Variants in KCNK3 observed in about 807,000 individuals in gnomAD.
KCNK3 encodes potassium two pore domain channel subfamily K member 3.
KCNK3 carries 9 observed loss-of-function variants against 27.3 expected under a neutral mutation model. The observed-to-expected ratio is 0.33, with a 90% confidence interval of 0.20 to 0.57. The LOEUF (loss-of-function observed/expected upper bound fraction) is 0.57. Ranked by LOEUF, KCNK3 falls within the 20% of genes least tolerant of loss-of-function variation. The pLI, the probability that KCNK3 is intolerant of heterozygous loss-of-function variation, is 0.87. For synonymous variants in KCNK3, 278 were observed against 273.8 expected (o/e 1.02, Z -0.15); for missense variants, 391 against 577.7 (o/e 0.68, Z 3.31).
chr2:26,698,071 C>T (rs1159898795), intron 1 of KCNK3, among the ~76,000 whole-genome samples: 1 of 152,198 alleles, frequency 6.6e-6, no homozygotes, highest in African/African-American at 2.4e-5. Context: ...CCAGGCCTTC[C>T]AGTGCCTGCA....
chr2:26,696,121 C>G (rs549951236), intron 1 of KCNK3, among the ~76,000 whole-genome samples: 1 of 152,346 alleles, frequency 6.6e-6, no homozygotes, highest in South Asian at 2.1e-4. Flanking sequence ...TTCTGAGATA[C>G]CGGGTGTCCC....
chr2:26,728,180 G>A lies in KCNK3; in HGVS notation c.797G>A (p.Arg266His), dbSNP rs776666313. ...RDAEHRALLT[R>H]NGQAGGGGGG... ...GCCGAGCACCGCGCGCTGCTCACGC[G>A]CAACGGGCAGGCGGGCGGCGGCGGA... is the stretch of plus-strand genomic sequence containing the variant. The change falls in exon 2 of 2, where the codon CGC (arginine) becomes CAC (histidine). Residue 266 changes from arginine (R) to histidine (H), a missense_variant. This residue lies in a region of KCNK3 where 192 missense variants were observed against 196.0 expected (regional missense o/e 0.98). Transcript: ENST00000302909. The A allele has an allele frequency of 1.3e-6, 2 of 1,571,044 alleles. No homozygotes were observed. The highest frequency in any genetic ancestry group is 1.7e-6 in the Non-Finnish European group (2 of 1,158,226).
chr2:26,699,250 A>AAGC (rs1558594833), intron 1 of KCNK3, among the ~76,000 whole-genome samples: 2,216 of 142,856 alleles, frequency 0.016, 36 homozygotes, highest in African/African-American at 0.053. Flanking sequence ...AGAAAGAAAG[A>AAGC]AAGCCAGCCA....
intron 1 of KCNK3, among the ~76,000 whole-genome samples, chr2:26,699,211 A>C (rs1448110278): frequency 3.9e-5 from 4 of 102,712 alleles, no homozygotes; most frequent in African/African-American, 1.6e-4. Flanking sequence ...AAGAGAGAGA[A>C]AGAAAGAAAG....
At chr2:26,710,224 G>A (rs1663082320) in intron 1 of KCNK3, among the ~76,000 whole-genome samples, 1 of 152,208 alleles carries the variant, frequency 6.6e-6, no homozygotes, top group Non-Finnish European at 1.5e-5. Flanking sequence ...ACTGCTCTTT[G>A]GGAAAGAGCT....
chr2:26,708,636 G>A (rs567439268), intron 1 of KCNK3, among the ~76,000 whole-genome samples: 5 of 152,296 alleles, frequency 3.3e-5, no homozygotes, highest in East Asian at 1.9e-4. Context: ...CCGAGATCGC[G>A]CTATTGTACT....
rs182972567 is a variant in KCNK3 at position 26,713,635 on chromosome 2, T to A, written c.284-14032T>A. On this transcript the variant is annotated intron_variant, in intron 1 of 1. Coordinates refer to ENST00000302909, the MANE Select transcript of KCNK3 (RefSeq NM_002246.3). ...TCTCTACTAAAAAATACAAAAAATTTGCTGGGTGTGTAATCCCAACTACTT... is the reference window on the plus strand; with the variant it reads ...TCTCTACTAAAAAATACAAAAAATTAGCTGGGTGTGTAATCCCAACTACTT... 4.6e-3 allele frequency among the ~76,000 whole-genome samples: 694 copies of A among 150,762 alleles called. 5 individuals carry two copies. The highest frequency in any genetic ancestry group is 0.016 in the African/African-American group (664 of 40,984).
At chr2:26,716,268 AT>A (rs1663230276) in intron 1 of KCNK3, among the ~76,000 whole-genome samples, 1 of 152,228 alleles carries the variant, frequency 6.6e-6, no homozygotes, top group African/African-American at 2.4e-5. Flanking sequence ...AATAGGAATA[AT>A]AGCACCTCCT....
At position 26,728,337 on chromosome 2, in the gene KCNK3, C is replaced by T. The variant is rs756119916; in HGVS notation, c.954C>T (p.Arg318=). The T allele has an allele frequency of 3.1e-6, 5 of 1,604,338 alleles. No individual in the cohort carries two copies. The Admixed American group carries it at 5.1e-5, about 16-fold the overall frequency. ...SMCSCLWYKS[R]EKLQYSIPMI... The stretch of plus-strand genomic sequence containing the variant: ...GCTCGTGCCTGTGGTACAAGAGCCG[C>T]GAGAAGCTGCAGTACTCCATCCCCA... The change falls in exon 2 of 2, where the codon CGC becomes CGT. Residue 318 remains arginine (R), a synonymous_variant. Transcript: ENST00000302909.
intron 1 of KCNK3, among the ~76,000 whole-genome samples, chr2:26,714,077 GA>G (rs753616991): frequency 0.013 from 1,724 of 136,842 alleles, 34 homozygotes; most frequent in African/African-American, 0.042. Flanking sequence ...CCTCTGTCTT[GA>G]AAAAAAAAAA....
chr2:26,717,673 G>A (rs1219287652), intron 1 of KCNK3, among the ~76,000 whole-genome samples: 1 of 152,260 alleles, frequency 6.6e-6, no homozygotes, highest in Non-Finnish European at 1.5e-5. Flanking sequence ...ACAGGCCACA[G>A]GCCTGGGCCA....
chr2:26,720,678 C>T (rs925306546), intron 1 of KCNK3, among the ~76,000 whole-genome samples: 8 of 151,742 alleles, frequency 5.3e-5, no homozygotes, highest in African/African-American at 1.9e-4. Context: ...GTGGGGAGTC[C>T]AGGAGGAAGC....
chr2:26,722,469 G>A (rs1663344479), intron 1 of KCNK3, among the ~76,000 whole-genome samples: 1 of 152,212 alleles, frequency 6.6e-6, no homozygotes. Flanking sequence ...TATGAAGTGA[G>A]TACTTCATTA....
Position 26,728,772 on chromosome 2 carries a change from G to A in KCNK3, c.*204G>A, listed in dbSNP as rs1215177784. 1 of 418,452 alleles carries A rather than the reference G, an allele frequency of 2.4e-6. No individual in the cohort carries two copies. The highest frequency in any genetic ancestry group is 4.1e-6 in the Non-Finnish European group (1 of 243,068). 25.9% of individuals were successfully genotyped at this position (418,452 alleles called of 1,614,324 possible). On this transcript the variant is annotated 3_prime_UTR_variant, in exon 2 of 2. Coordinates refer to ENST00000302909, the MANE Select transcript of KCNK3 (RefSeq NM_002246.3). ...TCTGAGGACCCCTGGGGCCCCCATC[G>A]GAGCCCTGCAAATTCCGAGAAATGT...
intron 1 of KCNK3, among the ~76,000 whole-genome samples, chr2:26,726,720 C>T (rs1263068818): frequency 1.5e-5 from 2 of 129,742 alleles, no homozygotes; most frequent in Non-Finnish European, 3.2e-5. Flanking sequence ...TCAACTTAGG[C>T]TTTGGAATGG....
chr2:26,719,709 A>G (rs1341490511), intron 1 of KCNK3, among the ~76,000 whole-genome samples: 2 of 152,214 alleles, frequency 1.3e-5, no homozygotes, highest in Non-Finnish European at 2.9e-5. Context: ...TCAATAGATC[A>G]TCTAGGTCTA....
chr2:26,713,958 C>T (rs1205399650), intron 1 of KCNK3, among the ~76,000 whole-genome samples: 1 of 151,776 alleles, frequency 6.6e-6, no homozygotes, highest in Non-Finnish European at 1.5e-5. Context: ...CACCTGTAAT[C>T]CCAGCTACTC....
chr2:26,704,044 C>T (rs1271613972), intron 1 of KCNK3, among the ~76,000 whole-genome samples: 1 of 152,134 alleles, frequency 6.6e-6, no homozygotes, highest in South Asian at 2.1e-4. Flanking sequence ...CCCCAATGAC[C>T]CCAGTTGAAG....
intron 1 of KCNK3, among the ~76,000 whole-genome samples, chr2:26,701,290 T>C (rs1670304962): frequency 6.6e-6 from 1 of 152,164 alleles, no homozygotes; most frequent in Non-Finnish European, 1.5e-5. Context: ...GCTGGAGCAA[T>C]GCTATGTCTT....
Sources: gnomAD v4.1 joint callset for allele counts (sites outside exome capture counted in the v4.1 genomes callset) on GRCh38, gnomAD v4.1.1 for gene constraint, gnomAD v4.1.1 regional missense constraint, MANE v1.5 for transcripts, NCBI Gene and HGNC (gene_info 2026-07-23, HGNC 2026-07-21) for gene names.